DDC: variants seen among roughly 807,000 people sequenced by gnomAD.
The protein encoded by DDC is dopa decarboxylase, also known as aromatic-L-amino-acid decarboxylase.
In DDC, 43 loss-of-function variants were observed where a neutral mutation model predicts 60.0. The observed-to-expected ratio is 0.72, with a 90% CI of 0.56 to 0.92. DDC has a LOEUF of 0.92. Ranked by LOEUF, DDC falls within the 40% of genes least tolerant of loss-of-function variation. The probability of loss-of-function intolerance (pLI) is 0.00; values close to 1 mark genes in which losing one functional copy is unlikely to be tolerated. For missense variants in DDC, 573 were observed against 620.2 expected (o/e 0.92, Z 0.81); for synonymous variants, 232 against 234.6 (o/e 0.99, Z 0.10).
At chr7:50,552,568 G>A (rs958051846) in intron 1 of DDC, among the ~76,000 whole-genome samples, 3 of 152,086 alleles carry the variant, frequency 2.0e-5, no homozygotes, top group Non-Finnish European at 4.4e-5. Context: ...AACTCCCTCA[G>A]ACCTCCTGAT....
chr7:50,540,119 G>T lies in DDC; in HGVS notation c.202-91C>A, dbSNP rs527744977. 4 of 877,326 alleles carry T rather than the reference G, an allele frequency of 4.6e-6. No homozygotes were observed. The East Asian group carries it at 1.1e-4, about 23-fold the overall frequency. The allele number at this position is 877,326 out of a possible 1,614,324, so 54.3% of individuals were successfully genotyped here. A position where few individuals can be genotyped will look rare whatever the true frequency, so the allele number is the denominator to read the frequency against. ...CCAGGTACCCCCATGGCTCCCAGCTGCCAGATGCAGCCAGACCCAGAGTTA... is the reference window on the plus strand; with the variant it reads ...CCAGGTACCCCCATGGCTCCCAGCTTCCAGATGCAGCCAGACCCAGAGTTA... On this transcript the variant is annotated intron_variant, in intron 2 of 14. Coordinates refer to ENST00000444124, the MANE Select transcript of DDC (RefSeq NM_001082971.2).
chr7:50,556,611 G>A (rs953902350), intron 1 of DDC, among the ~76,000 whole-genome samples: 18 of 152,260 alleles, frequency 1.2e-4, no homozygotes, highest in Admixed American at 4.6e-4. Flanking sequence ...GTAGATGCTC[G>A]AAGCATAGCA....
At chr7:50,476,400 G>A (rs1402156200) in intron 11 of DDC, among the ~76,000 whole-genome samples, 2 of 152,220 alleles carry the variant, frequency 1.3e-5, no homozygotes, top group Admixed American at 1.3e-4. Context: ...GCAAAGTCCA[G>A]GGTCCAGGTT....
chr7:50,514,979 G>A (rs1392248977), intron 6 of DDC, among the ~76,000 whole-genome samples: 1 of 152,184 alleles, frequency 6.6e-6, no homozygotes, highest in Non-Finnish European at 1.5e-5. Context: ...CTAAAAGGTT[G>A]GAAAACATAT....
intron 4 of DDC, among the ~76,000 whole-genome samples, chr7:50,531,091 G>A (rs958636466): frequency 5.3e-5 from 8 of 152,126 alleles, no homozygotes; most frequent in Non-Finnish European, 8.8e-5. Flanking sequence ...CATCTAAAAT[G>A]GGTACTTTAT....
At chr7:50,519,733 T>TG (rs1220906151) in intron 6 of DDC, among the ~76,000 whole-genome samples, 1 of 151,258 alleles carries the variant, frequency 6.6e-6, no homozygotes, top group Non-Finnish European at 1.5e-5. Flanking sequence ...TTTGGGGACT[T>TG]GGGGGGAAGA....
intron 6 of DDC, chr7:50,527,856 T>C: frequency 3.0e-6 from 1 of 332,778 alleles, no homozygotes; most frequent in Non-Finnish European, 5.6e-6. Flanking sequence ...TTGACTTGAA[T>C]TGACAAAACA....
chr7:50,505,222 G>C (rs969127874), intron 6 of DDC, among the ~76,000 whole-genome samples: 1 of 152,192 alleles, frequency 6.6e-6, no homozygotes, highest in Non-Finnish European at 1.5e-5. Context: ...GTTTTGTGTT[G>C]GGCTGAGCAT....
intron 3 of DDC, among the ~76,000 whole-genome samples, chr7:50,538,782 G>C (rs947319323): frequency 6.6e-6 from 1 of 152,260 alleles, no homozygotes; most frequent in Non-Finnish European, 1.5e-5. Context: ...GGGACAGAAT[G>C]GATTTGGACC....
chr7:50,503,088 A>G (rs527492955), intron 7 of DDC, among the ~76,000 whole-genome samples: 66 of 152,294 alleles, frequency 4.3e-4, no homozygotes, highest in African/African-American at 1.4e-3. Flanking sequence ...TTGGGTTAGG[A>G]GAGGTGAGAA....
chr7:50,502,347 C>A (rs2043279440), intron 7 of DDC, among the ~76,000 whole-genome samples: 1 of 152,166 alleles, frequency 6.6e-6, no homozygotes, highest in Admixed American at 6.5e-5. Flanking sequence ...TCTCCATGGT[C>A]CAGCGGGCAG....
intron 10 of DDC, 93 bp downstream of exon 10, chr7:50,479,694 G>A: frequency 9.2e-7 from 1 of 1,084,594 alleles, no homozygotes; most frequent in Non-Finnish European, 1.4e-6. Flanking sequence ...CCTTGGATAT[G>A]GATGGTCTTC....
intron 1 of DDC, among the ~76,000 whole-genome samples, chr7:50,546,767 C>T (rs563239656): frequency 6.6e-6 from 1 of 152,352 alleles, no homozygotes; most frequent in South Asian, 2.1e-4. Context: ...ATGCATTTCT[C>T]AGCTAGTGAG....
chr7:50,471,601 A>G (rs763500669), intron 11 of DDC, among the ~76,000 whole-genome samples: 13 of 151,516 alleles, frequency 8.6e-5, no homozygotes, highest in Non-Finnish European at 1.8e-4. Context: ...ATCTCCTTTG[A>G]GCTTCCTAGC....
At chr7:50,521,326 A>C (rs2043884231) in intron 6 of DDC, among the ~76,000 whole-genome samples, 1 of 152,208 alleles carries the variant, frequency 6.6e-6, no homozygotes, top group South Asian at 2.1e-4. Context: ...TCTAAAACAA[A>C]GAAACCATGC....
At chr7:50,558,605 C>T (rs565442679) in intron 1 of DDC, among the ~76,000 whole-genome samples, 2 of 152,322 alleles carry the variant, frequency 1.3e-5, no homozygotes, top group East Asian at 3.9e-4. Flanking sequence ...TGAACACGCT[C>T]ACAACACTGC....
chr7:50,502,931 G>A (rs2043294906), intron 7 of DDC, among the ~76,000 whole-genome samples: 1 of 152,174 alleles, frequency 6.6e-6, no homozygotes, highest in Admixed American at 6.5e-5. Flanking sequence ...CTGCACCCTA[G>A]CTTCCTTGTC....
chr7:50,548,439 C>T (rs2044877342), intron 1 of DDC, among the ~76,000 whole-genome samples: 1 of 152,152 alleles, frequency 6.6e-6, no homozygotes, highest in South Asian at 2.1e-4. Context: ...CACATGAATG[C>T]TAAGCAAAAT....
At chr7:50,493,227 C>G (rs75968345) in intron 9 of DDC, among the ~76,000 whole-genome samples, 5 of 152,124 alleles carry the variant, frequency 3.3e-5, no homozygotes, top group Admixed American at 3.3e-4. Flanking sequence ...TGTACCTATC[C>G]GCAGTCACTA....
Sources: allele counts gnomAD v4.1 joint callset (sites outside exome capture counted in the v4.1 genomes callset), GRCh38; gene constraint gnomAD v4.1.1; transcripts MANE v1.5; gene names NCBI Gene and HGNC (gene_info 2026-07-23, HGNC 2026-07-21).